AFF2: variants seen among roughly 807,000 people sequenced by gnomAD.
AFF2 encodes AF4/FMR2 family member 2.
AFF2 carries 14 observed loss-of-function variants against 76.9 expected under a neutral mutation model. That is an observed-to-expected ratio of 0.18 (90% CI 0.12 to 0.28). AFF2 has a LOEUF of 0.28. Among genes scored for constraint, AFF2 ranks in the 10% least tolerant of loss-of-function variants. AFF2 has a pLI of 1.00. For missense variants in AFF2, 868 were observed against 1,001.1 expected (o/e 0.87, Z 1.79); for synonymous variants, 398 against 366.7 (o/e 1.09, Z -0.98).
intron 3 of AFF2, among the ~76,000 whole-genome samples, chrX:148,806,185 G>A (rs1032206891): frequency 3.6e-5 from 4 of 112,454 alleles, no homozygotes; most frequent in East Asian, 2.8e-4. Context: ...GAATTACTGC[G>A]AAGACGTGTG....
At chrX:148,622,959 G>C (rs781889666) in intron 1 of AFF2, among the ~76,000 whole-genome samples, 10 of 111,852 alleles carry the variant, frequency 8.9e-5, no homozygotes, top group South Asian at 3.7e-4. Context: ...GGGACATTAT[G>C]TGTTTGCATC....
At chrX:148,822,148 T>C (rs1293190161) in intron 4 of AFF2, 1 of 112,094 alleles carries the variant, frequency 8.9e-6, no homozygotes, top group Non-Finnish European at 1.9e-5. Context: ...GCTTTTTCCA[T>C]TGCCAATTTC....
intron 3 of AFF2, among the ~76,000 whole-genome samples, chrX:148,780,234 C>G (rs1273093833): frequency 9.0e-6 from 1 of 111,437 alleles, no homozygotes; most frequent in East Asian, 2.8e-4. Context: ...CTTGGGGTTG[C>G]TCTTCTCAAG....
chrX:148,626,839 G>A (rs914947335), intron 1 of AFF2, among the ~76,000 whole-genome samples: 1 of 110,927 alleles, frequency 9.0e-6, no homozygotes, highest in Non-Finnish European at 1.9e-5. Context: ...AATTTAATGC[G>A]GTGCTAAATA....
At chrX:148,665,593 A>G (rs1354561646) in intron 3 of AFF2, among the ~76,000 whole-genome samples, 1 of 111,642 alleles carries the variant, frequency 9.0e-6, no homozygotes, top group African/African-American at 3.3e-5. Context: ...CCAACAAGAG[A>G]GCTTAGAAGG....
chrX:148,634,936 A>C (rs1297061450), intron 1 of AFF2, among the ~76,000 whole-genome samples: 6 of 111,760 alleles, frequency 5.4e-5, no homozygotes, highest in Middle Eastern at 9.4e-3. Context: ...AACCATTCTC[A>C]TGCATTAATT....
At chrX:148,555,965 G>A (rs1482409464) in intron 1 of AFF2, among the ~76,000 whole-genome samples, 2 of 112,142 alleles carry the variant, frequency 1.8e-5, no homozygotes, top group African/African-American at 6.5e-5. Flanking sequence ...GATTTCAAAT[G>A]TGGAGTTTTC....
chrX:148,954,760 C>T (rs2072011738), intron 10 of AFF2, among the ~76,000 whole-genome samples: 1 of 111,977 alleles, frequency 8.9e-6, no homozygotes, highest in Non-Finnish European at 1.9e-5. Context: ...GCTGATACAA[C>T]TTCCTCAACC....
intron 4 of AFF2, among the ~76,000 whole-genome samples, chrX:148,818,514 C>A (rs782795185): frequency 5.6e-4 from 63 of 111,866 alleles, no homozygotes; most frequent in African/African-American, 2.0e-3. Context: ...TGGATCCTTA[C>A]CTCACGCCAT....
intron 3 of AFF2, among the ~76,000 whole-genome samples, chrX:148,777,693 A>G (rs200766346): frequency 8.9e-6 from 1 of 112,252 alleles, no homozygotes; most frequent in Non-Finnish European, 1.9e-5. Context: ...ATTTTCACAC[A>G]TCGATTTTGT....
chrX:148,712,542 C>A (rs1056520156), intron 3 of AFF2, among the ~76,000 whole-genome samples: 1 of 111,688 alleles, frequency 9.0e-6, no homozygotes, highest in Non-Finnish European at 1.9e-5. Context: ...GAAAGATGGG[C>A]AGTGATCAGA....
intron 3 of AFF2, among the ~76,000 whole-genome samples, chrX:148,730,102 T>C (rs1320134750): frequency 8.9e-6 from 1 of 112,193 alleles, no homozygotes; most frequent in African/African-American, 3.2e-5. Context: ...CTAAAACACT[T>C]GAAGTGATAA....
chrX:148,960,958 GT>G (rs1234972971), intron 12 of AFF2, among the ~76,000 whole-genome samples: 1 of 111,969 alleles, frequency 8.9e-6, no homozygotes, highest in Non-Finnish European at 1.9e-5. Flanking sequence ...CTCCCTAGGT[GT>G]CTTTCACCAA....
intron 8 of AFF2, among the ~76,000 whole-genome samples, chrX:148,887,798 C>T: frequency 9.0e-6 from 1 of 111,429 alleles, no homozygotes; most frequent in African/African-American, 3.3e-5. Context: ...CAACTTATTC[C>T]CTCTAGCTGA....
intron 1 of AFF2, among the ~76,000 whole-genome samples, chrX:148,582,725 C>G (rs1196973104): frequency 8.9e-6 from 1 of 111,941 alleles, no homozygotes; most frequent in East Asian, 2.8e-4. Flanking sequence ...TATGACCCAG[C>G]AATTTTACTC....
intron 3 of AFF2, among the ~76,000 whole-genome samples, chrX:148,742,754 G>A (rs971265093): frequency 8.1e-5 from 9 of 111,662 alleles, no homozygotes; most frequent in East Asian, 2.8e-4. Flanking sequence ...TAGGATGACC[G>A]GTTGCTAAAT....
chrX:148,987,841 A>G (rs191578144), intron 20 of AFF2, among the ~76,000 whole-genome samples: 2 of 112,292 alleles, frequency 1.8e-5, no homozygotes, highest in Admixed American at 1.9e-4. Context: ...AGAGAAACAG[A>G]GGCAAAGACA....
intron 1 of AFF2, among the ~76,000 whole-genome samples, chrX:148,580,954 G>C (rs1231391994): frequency 2.0e-5 from 2 of 98,850 alleles, no homozygotes; most frequent in African/African-American, 7.4e-5. Flanking sequence ...GTTGACATTT[G>C]TACCACATTG....
chrX:148,634,110 C>T (rs2054005789), intron 1 of AFF2, among the ~76,000 whole-genome samples: 1 of 111,625 alleles, frequency 9.0e-6, no homozygotes, highest in African/African-American at 3.3e-5. Context: ...CCTCTAATAA[C>T]CCTTTGATTG....
Sources: gnomAD v4.1 joint callset for allele counts (sites outside exome capture counted in the v4.1 genomes callset) on GRCh38, gnomAD v4.1.1 for gene constraint, MANE v1.5 for transcripts, NCBI Gene and HGNC (gene_info 2026-07-23, HGNC 2026-07-21) for gene names.